The following MAP4 variants were observed in gnomAD, a reference collection of about 807,000 sequenced individuals.
MAP4 encodes the protein microtubule associated protein 4.
A neutral mutation model predicts 170.2 loss-of-function variants in MAP4; 76 were observed. That is an observed-to-expected ratio of 0.45 (90% CI 0.37 to 0.54). The LOEUF (loss-of-function observed/expected upper bound fraction) is 0.54, where lower values mean the gene tolerates loss of function less well. Among genes scored for constraint, MAP4 ranks in the 20% least tolerant of loss-of-function variants. The probability of loss-of-function intolerance (pLI) is 0.00; values close to 1 mark genes in which losing one functional copy is unlikely to be tolerated. For synonymous variants in MAP4, 909 were observed against 994.5 expected, an observed-to-expected ratio of 0.91 and a Z score of 1.62; for missense variants, 2,506 against 2,748.0, an observed-to-expected ratio of 0.91 and a Z score of 1.97.
chr3:47,853,016 G>A lies in MAP4; in HGVS notation c.6887-78C>T, dbSNP rs370740439. ...GGAACACGGGGGAGACGGAAGACGA[G>A]ACCAGAATGTCATCATTAGATGCCT... is the stretch of plus-strand genomic sequence containing the variant. On this transcript the variant is annotated intron_variant, in intron 20 of 20. Coordinates refer to ENST00000683076, the MANE Select transcript of MAP4 (RefSeq NM_001385682.1). The A allele has an allele frequency of 1.2e-4, 190 of 1,614,106 alleles. 1 individual carries two copies. The highest frequency in any genetic ancestry group is 1.6e-4 in the Non-Finnish European group (184 of 1,180,042).
chr3:47,973,808 C>T (rs1205356410), intron 3 of MAP4: 38 of 985,242 alleles, frequency 3.9e-5, no homozygotes, highest in South Asian at 4.7e-5. Context: ...CCAAAATCAA[C>T]TTAATAAATA....
intron 4 of MAP4, among the ~76,000 whole-genome samples, chr3:47,925,660 A>G (rs2100045423): frequency 6.6e-6 from 1 of 152,190 alleles, no homozygotes; most frequent in South Asian, 2.1e-4. Context: ...TTTATATAAA[A>G]TGTCCAATCT....
Position 47,869,280 on chromosome 3 carries a change from A to G in MAP4, c.6342T>C (p.Pro2114=), listed in dbSNP as rs1156823857. 1.2e-6 allele frequency: 2 copies of G among 1,614,032 alleles called. No homozygotes were observed. The highest frequency in any genetic ancestry group is 1.3e-5 in the African/African-American group (1 of 74,912). ...CTGTTTTAGTGACTGCATTAGATTC[A>G]GGCTTTCGGGTTGTAGCAGCTGCCT... is the stretch of plus-strand genomic sequence containing the variant. ...KTEAAATTRK[P]ESNAVTKTAG... The change falls in exon 16 of 21, where the codon CCT becomes CCC. Residue 2114 remains proline (P), a synonymous_variant. Coordinates refer to ENST00000683076, the MANE Select transcript of MAP4 (RefSeq NM_001385682.1).
At chr3:47,889,813 C>A (rs1419583764) in intron 10 of MAP4, among the ~76,000 whole-genome samples, 2 of 152,034 alleles carry the variant, frequency 1.3e-5, no homozygotes, top group Admixed American at 1.3e-4. Context: ...CAGCATGGGA[C>A]ACCTGAATGC....
chr3:47,867,424 A>T, intron 16 of MAP4, 86 bp from the exon 17 acceptor site: 1 of 835,148 alleles, frequency 1.2e-6, no homozygotes, highest in South Asian at 1.5e-5. Flanking sequence ...TCCACACGTG[A>T]TCACAATGAC....
chr3:48,029,867 A>G (rs1427514736), intron 1 of MAP4, among the ~76,000 whole-genome samples: 1 of 151,284 alleles, frequency 6.6e-6, no homozygotes, highest in Non-Finnish European at 1.5e-5. Flanking sequence ...GCGTGGTGGC[A>G]TGCACCTGTA....
intron 1 of MAP4, among the ~76,000 whole-genome samples, chr3:48,079,266 C>A (rs966401504): frequency 6.6e-6 from 1 of 152,020 alleles, no homozygotes; most frequent in Non-Finnish European, 1.5e-5. Flanking sequence ...TATCTGTATA[C>A]TACAGATATT....
chr3:47,861,452 A>C (rs1439308251), intron 17 of MAP4, among the ~76,000 whole-genome samples: 2 of 150,328 alleles, frequency 1.3e-5, no homozygotes, highest in Non-Finnish European at 2.9e-5. Flanking sequence ...TGCCTGGTTC[A>C]AGCGATTCTC....
Position 47,909,487 on chromosome 3 carries a change from T to C in MAP4, c.4934A>G (p.Asn1645Ser), listed in dbSNP as rs767692233. The change falls in exon 9 of 21, where the codon AAT (asparagine) becomes AGT (serine). Residue 1645 changes from asparagine to serine, a missense_variant. By Grantham distance (46) the Asn-to-Ser change is conservative. Coordinates refer to ENST00000683076, the MANE Select transcript of MAP4 (RefSeq NM_001385682.1). ...ATTCAAACTATCTGAACCTTTGGAA[T>C]TTCTATCTTGAGCATTTTGGTCCTC... is the stretch of plus-strand genomic sequence containing the variant. ...FCEDQNAQDR[N>S]SKGSDSLNKK... 2.9e-5 allele frequency: 47 copies of C among 1,613,704 alleles called. No homozygotes were observed. Among genetic ancestry groups the C allele is most frequent in the Non-Finnish European group, 3.5e-5 (41 of 1,179,900 alleles).
In MAP4 at chr3:47,909,867, T is replaced by G; in HGVS notation, c.4554A>C (p.Thr1518=). The part of the protein sequence containing the change: ...VALPITTAIE[T]VNIHGDHSLK... Reference sequence around the variant, plus strand: ...GAGAGTGATCTCCATGAATGTTAACTGTTTCTATGGCTGTTGTAATAGGTA... The same window carrying G: ...GAGAGTGATCTCCATGAATGTTAACGGTTTCTATGGCTGTTGTAATAGGTA... Residue 1518 remains threonine (T), a synonymous_variant, in exon 9 of 21, where the codon ACA becomes ACC. Transcript: ENST00000683076. The G allele has an allele frequency of 6.2e-7, 1 of 1,614,030 alleles. No homozygotes were observed. Among genetic ancestry groups the G allele is most frequent in the Non-Finnish European group, 8.5e-7 (1 of 1,179,884 alleles).
At chr3:47,887,592 C>T (rs546720670) in intron 10 of MAP4, among the ~76,000 whole-genome samples, 29 of 152,214 alleles carry the variant, frequency 1.9e-4, no homozygotes, top group Non-Finnish European at 3.1e-4. Flanking sequence ...GGAATGCGAA[C>T]GCACCACGGC....
chr3:47,987,974 C>A (rs887422937), intron 2 of MAP4, among the ~76,000 whole-genome samples: 6 of 152,032 alleles, frequency 3.9e-5, no homozygotes, highest in South Asian at 2.1e-4. Context: ...GTGGGCGGAT[C>A]ACGAGGTCAG....
chr3:47,885,777 G>T (rs1338515422), intron 10 of MAP4, among the ~76,000 whole-genome samples: 1 of 148,628 alleles, frequency 6.7e-6, no homozygotes, highest in Admixed American at 6.7e-5. Context: ...CACCCAGGCT[G>T]GAGTGCAGTG....
At chr3:47,978,273 C>T (rs2100083356) in intron 2 of MAP4, among the ~76,000 whole-genome samples, 1 of 152,108 alleles carries the variant, frequency 6.6e-6, no homozygotes, top group Non-Finnish European at 1.5e-5. Context: ...ATCAGCAATT[C>T]AAATCCAAAT....
At chr3:48,057,644 AAG>A (rs1224319888) in intron 1 of MAP4, among the ~76,000 whole-genome samples, 2 of 140,198 alleles carry the variant, frequency 1.4e-5, no homozygotes, top group Admixed American at 6.8e-5. Context: ...AAAGAAAAAA[AAG>A]AAAAAAAAAA....
chr3:47,986,671 T>C (rs1055655755), intron 2 of MAP4, among the ~76,000 whole-genome samples: 1 of 152,142 alleles, frequency 6.6e-6, no homozygotes, highest in Non-Finnish European at 1.5e-5. Context: ...AGGGTACTAT[T>C]ATTATGAACT....
chr3:48,022,891 AGG>A (rs1335903417), intron 1 of MAP4, among the ~76,000 whole-genome samples: 1 of 77,172 alleles, frequency 1.3e-5, no homozygotes, highest in African/African-American at 5.3e-5. Context: ...ACTCCATCTC[AGG>A]GGGGAAAAAA....
At chr3:48,001,227 C>T (rs1237487512) in intron 1 of MAP4, among the ~76,000 whole-genome samples, 1 of 152,098 alleles carries the variant, frequency 6.6e-6, no homozygotes. Context: ...ACTGGGAATG[C>T]TGGAGATAGT....
intron 1 of MAP4, among the ~76,000 whole-genome samples, chr3:48,003,866 A>G (rs2100100708): frequency 6.6e-6 from 1 of 152,106 alleles, no homozygotes; most frequent in South Asian, 2.1e-4. Flanking sequence ...AACATAAAGC[A>G]GGCAGAAAAA....
Sources: allele counts gnomAD v4.1 joint callset (sites outside exome capture counted in the v4.1 genomes callset), GRCh38; gene constraint gnomAD v4.1.1; transcripts MANE v1.5; gene names NCBI Gene and HGNC (gene_info 2026-07-23, HGNC 2026-07-21).